The following FAM20B variants were observed in gnomAD, a reference collection of about 807,000 sequenced individuals.
FAM20B encodes FAM20B glycosaminoglycan xylosylkinase, also known as glycosaminoglycan xylosylkinase.
In FAM20B, 23 loss-of-function variants were observed where a neutral mutation model predicts 43.8. The ratio of observed to expected loss-of-function variants is 0.53; its 90% CI spans 0.38 to 0.74. The LOEUF is 0.74. Among genes scored for constraint, FAM20B ranks in the 30% least tolerant of loss-of-function variants. FAM20B has a pLI of 0.00. For synonymous variants in FAM20B, 178 were observed against 192.4 expected, an observed-to-expected ratio of 0.93 and a Z score of 0.62; for missense variants, 440 against 510.5, an observed-to-expected ratio of 0.86 and a Z score of 1.33.
intron 2 of FAM20B, 32 bp downstream of exon 2, chr1:179,044,256 A>G (rs1467109459): frequency 6.4e-7 from 1 of 1,560,440 alleles, no homozygotes; most frequent in African/African-American, 1.4e-5. Flanking sequence ...TGCATGTGCT[A>G]GTTGGTTGAT....
At chr1:179,064,573 A>G in intron 6 of FAM20B, 77 bp downstream of exon 6, 1 of 1,132,978 alleles carries the variant, frequency 8.8e-7, no homozygotes, top group South Asian at 1.5e-5. Context: ...AGCATCCTGG[A>G]GAATATCCAG....
At position 179,071,905 on chromosome 1, in the gene FAM20B, T is replaced by C; in HGVS notation, c.999-8T>C. On this transcript the variant is annotated splice_region_variant and splice_polypyrimidine_tract_variant and intron_variant, in intron 7 of 7. Transcript: ENST00000263733. Reference sequence around the variant, plus strand: ...TTATGTACCTTGTTCTATAACTTTTTCTCCCAGCATTCGGGTGTCCACCTG... The same window carrying C: ...TTATGTACCTTGTTCTATAACTTTTCCTCCCAGCATTCGGGTGTCCACCTG... The C allele has an allele frequency of 1.2e-6, 2 of 1,600,376 alleles. No individual in the cohort carries two copies. The highest frequency in any genetic ancestry group is 8.6e-7 in the Non-Finnish European group (1 of 1,167,622).
chr1:179,059,665 A>G (rs1446685574), intron 4 of FAM20B, among the ~76,000 whole-genome samples: 1 of 152,140 alleles, frequency 6.6e-6, no homozygotes, highest in Non-Finnish European at 1.5e-5. Flanking sequence ...ATGGATTCAC[A>G]CAATTCAAAA....
chr1:179,064,345 A>G lies in FAM20B; in HGVS notation c.787A>G (p.Thr263Ala). ...GAGCTACTGTGATGCTGTGAAGAAAACGTCCCCTTATGACTCTGGCCCGCG... is the reference window on the plus strand; with the variant it reads ...GAGCTACTGTGATGCTGTGAAGAAAGCGTCCCCTTATGACTCTGGCCCGCG... ...DESYCDAVKK[T>A]SPYDSGPRLL... The change falls in exon 6 of 8, where the codon ACG (threonine) becomes GCG (alanine). Residue 263 changes from threonine to alanine, a missense_variant. Physicochemically the swap from Thr to Ala is moderately conservative, Grantham distance 58. Coordinates refer to ENST00000263733, the MANE Select transcript of FAM20B (RefSeq NM_014864.4). 6.2e-7 allele frequency: 1 copy of G among 1,613,502 alleles called. No individual in the cohort carries two copies. The highest frequency in any genetic ancestry group is 8.5e-7 in the Non-Finnish European group (1 of 1,179,652).
At chr1:179,035,411 T>A (rs1176960883) in intron 1 of FAM20B, 1 of 708,088 alleles carries the variant, frequency 1.4e-6, no homozygotes, top group Non-Finnish European at 2.6e-6. Context: ...CTGACTACTT[T>A]GCTGTGAATT....
intron 7 of FAM20B, among the ~76,000 whole-genome samples, chr1:179,071,065 C>A (rs1306936032): frequency 1.3e-5 from 2 of 151,706 alleles, no homozygotes; most frequent in Non-Finnish European, 2.9e-5. Flanking sequence ...GAGGCCGAGG[C>A]GGGCGGATCA....
chr1:179,053,702 G>A (rs999684059), intron 3 of FAM20B, among the ~76,000 whole-genome samples: 2 of 152,158 alleles, frequency 1.3e-5, no homozygotes, highest in Non-Finnish European at 1.5e-5. Context: ...ATTTGTAAAG[G>A]CTTTCTAATG....
intron 1 of FAM20B, among the ~76,000 whole-genome samples, chr1:179,039,839 G>A (rs1216458322): frequency 6.6e-6 from 1 of 151,980 alleles, no homozygotes; most frequent in Non-Finnish European, 1.5e-5. Context: ...ATAAACAAGT[G>A]AACAAAGGTC....
At chr1:179,066,196 T>C (rs3766630) in intron 6 of FAM20B, among the ~76,000 whole-genome samples, 21,487 of 152,130 alleles carry the variant, frequency 0.14, 1,765 homozygotes, top group East Asian at 0.31. Context: ...CTGGAAAGAT[T>C]GAAAGGTTGA....
At chr1:179,043,406 C>T (rs937092786) in intron 1 of FAM20B, among the ~76,000 whole-genome samples, 3 of 152,104 alleles carry the variant, frequency 2.0e-5, no homozygotes, top group African/African-American at 7.2e-5. Context: ...ACACGGGGCC[C>T]CTGCTCCACC....
intron 6 of FAM20B, among the ~76,000 whole-genome samples, chr1:179,065,161 G>GT (rs1651637619): frequency 6.7e-6 from 1 of 148,186 alleles, no homozygotes; most frequent in South Asian, 2.1e-4. Context: ...TTTTTTTTAA[G>GT]TTTTTTTGAG....
At chr1:179,022,308 A>G (rs1649617020), upstream of FAM20B, among the ~76,000 whole-genome samples, 1 of 151,970 alleles carries the variant, frequency 6.6e-6, no homozygotes, top group Non-Finnish European at 1.5e-5. Flanking sequence ...CTTTCCCGTC[A>G]CCCTCTCCCC....
chr1:179,031,844 T>C (rs1650028520), intron 1 of FAM20B, among the ~76,000 whole-genome samples: 1 of 152,218 alleles, frequency 6.6e-6, no homozygotes, highest in Admixed American at 6.5e-5. Flanking sequence ...CTGAAAACAG[T>C]TGTGAAAGGC....
chr1:179,040,994 C>T (rs1445352839), intron 1 of FAM20B, among the ~76,000 whole-genome samples: 6 of 144,298 alleles, frequency 4.2e-5, no homozygotes, highest in South Asian at 2.2e-4. Flanking sequence ...CGGGCAGAGG[C>T]GCTCCCCACA....
At chr1:179,067,655 T>G (rs1651749402) in intron 7 of FAM20B, among the ~76,000 whole-genome samples, 3 of 152,116 alleles carry the variant, frequency 2.0e-5, no homozygotes, top group Non-Finnish European at 4.4e-5. Flanking sequence ...AACTCTGTAT[T>G]AGAGAACAGA....
chr1:179,066,781 G>A lies in FAM20B; in HGVS notation c.939-19G>A, dbSNP rs1255631444. On this transcript the variant is annotated intron_variant, in intron 6 of 7. Coordinates refer to ENST00000263733, the MANE Select transcript of FAM20B (RefSeq NM_014864.4). The stretch of plus-strand genomic sequence containing the variant: ...ACAGTACTTCCACCTAATTCACTAA[G>A]TTTTAATTTAATTTTCAGCTTTGGG... The A allele has an allele frequency of 6.3e-7, 1 of 1,585,054 alleles. No individual in the cohort carries two copies. Among genetic ancestry groups the A allele is most frequent in the Non-Finnish European group, 8.7e-7 (1 of 1,153,650 alleles).
intron 2 of FAM20B, among the ~76,000 whole-genome samples, chr1:179,048,039 T>C (rs1396279128): frequency 1.3e-5 from 2 of 152,164 alleles, no homozygotes; most frequent in Non-Finnish European, 1.5e-5. Flanking sequence ...TATATGGGAA[T>C]AGAGTGACAC....
rs1376161814 is a variant in FAM20B at position 179,074,916 on chromosome 1, T to G, written c.*2772T>G. 3.9e-5 allele frequency: 6 copies of G among 152,170 alleles called. No homozygotes were observed. The highest frequency in any genetic ancestry group is 1.9e-4 in the East Asian group (1 of 5,186). The allele number at this position is 152,170 out of a possible 1,614,324, so 9.4% of individuals were successfully genotyped here. A position where few individuals can be genotyped will look rare whatever the true frequency, so the allele number is the denominator to read the frequency against. On this transcript the variant is annotated 3_prime_UTR_variant, in exon 8 of 8. Coordinates refer to ENST00000263733, the MANE Select transcript of FAM20B (RefSeq NM_014864.4). ...TTTGAAAGAAGAGGTGGGGGCCGGG[T>G]GCCGTGGCTCATGCCTGTCATCCCA...
chr1:179,026,293 C>G (rs988070995), intron 1 of FAM20B, among the ~76,000 whole-genome samples, 195 bp downstream of exon 1: 3 of 151,406 alleles, frequency 2.0e-5, no homozygotes, highest in African/African-American at 7.3e-5. Context: ...CGGGCGGGTC[C>G]CGGGCGAGGG....
Sources: gnomAD v4.1 joint callset for allele counts (sites outside exome capture counted in the v4.1 genomes callset) on GRCh38, gnomAD v4.1.1 for gene constraint, MANE v1.5 for transcripts, NCBI Gene and HGNC (gene_info 2026-07-23, HGNC 2026-07-21) for gene names.